PNPLA7: variants seen among roughly 807,000 people sequenced by gnomAD.
The protein encoded by PNPLA7 is patatin-like phospholipase domain-containing protein 7.
In PNPLA7, 153 loss-of-function variants were observed where a neutral mutation model predicts 161.7. That is an observed-to-expected ratio of 0.95 (90% CI 0.83 to 1.08). The LOEUF (loss-of-function observed/expected upper bound fraction) is 1.08. PNPLA7 is among the 50% of genes least tolerant of loss of function. The pLI is 0.00. For synonymous variants in PNPLA7, 809 were observed against 782.1 expected (o/e 1.03, Z -0.57); for missense variants, 1,739 against 1,856.6 (o/e 0.94, Z 1.16).
At chr9:137,505,495 C>G in intron 14 of PNPLA7, 119 bp downstream of exon 14, 1 of 1,244,634 alleles carries the variant, frequency 8.0e-7, no homozygotes, top group Non-Finnish European at 1.1e-6. Flanking sequence ...GCACTCCACC[C>G]AAAACACCTC....
At position 137,543,729 on chromosome 9, in the gene PNPLA7, G is replaced by T; in HGVS notation, c.360C>A (p.Ala120=). The part of the protein sequence containing the change: ...ARKRTKVLSL[A]KRILRFKKEY... ...GTCTGAAGGACACACAGTACCTCTT[G>T]GCCAAAGACAGCACCTTGGTCCTCT... Residue 120 remains alanine (A), a synonymous_variant, in exon 5 of 35, where the codon GCC becomes GCA. Transcript: ENST00000406427. The surrounding 1 kb of genome is among the most constrained non-coding windows in gnomAD (Gnocchi z 6.9). 1 of 1,613,986 alleles carries T rather than the reference G, an allele frequency of 6.2e-7. No individual in the cohort carries two copies. The highest frequency in any genetic ancestry group is 1.1e-5 in the South Asian group (1 of 91,078).
intron 34 of PNPLA7, 70 bp from the exon 35 acceptor site, chr9:137,460,546 T>G (rs984579423): frequency 1.2e-5 from 20 of 1,600,158 alleles, no homozygotes; most frequent in South Asian, 6.6e-5. Flanking sequence ...GGTAACCCGG[T>G]GGGACCACAG....
chr9:137,547,539 C>A lies in PNPLA7; in HGVS notation c.105+46G>T, dbSNP rs1191406535. On this transcript the variant is annotated intron_variant, in intron 2 of 34. Coordinates refer to ENST00000406427, the MANE Select transcript of PNPLA7 (RefSeq NM_001098537.3). This position sits in a 1 kb window ranked among gnomAD's most constrained non-coding sequence, Gnocchi z 4.6. ...TGGGGACAGGGAGAGGTGAAAAAGG[C>A]CACGGCCCATCCAGGTCTGGCTCCA... 2.5e-6 allele frequency: 4 copies of A among 1,608,150 alleles called. No homozygotes were observed. The highest frequency in any genetic ancestry group is 3.4e-6 in the Non-Finnish European group (4 of 1,175,542).
chr9:137,537,468 C>CAT lies in PNPLA7; in HGVS notation c.747+3173_747+3174insAT. ...GAGTAGCTGGGATAACAGGCACCCG[C>CAT]CACCACACCCAGCTAATTTTTGTAT... On this transcript the variant is annotated intron_variant, in intron 8 of 34. Transcript: ENST00000406427. This position sits in a 1 kb window ranked among gnomAD's most constrained non-coding sequence, Gnocchi z 4.5. Among the ~76,000 whole-genome samples the CAT allele has an allele frequency of 1.3e-5, 2 of 152,292 alleles. No individual in the cohort carries two copies. Among genetic ancestry groups the CAT allele is most frequent in the South Asian group, 4.1e-4 (2 of 4,824 alleles).
At chr9:137,492,986 G>A (rs748413024) in intron 20 of PNPLA7, 27 bp downstream of exon 20, 1 of 1,606,482 alleles carries the variant, frequency 6.2e-7, no homozygotes, top group Non-Finnish European at 8.5e-7. Context: ...GCTCCCAGGA[G>A]GCTCTGGGTT....
chr9:137,502,430 C>A (rs141606383), intron 14 of PNPLA7, among the ~76,000 whole-genome samples: 25 of 151,124 alleles, frequency 1.7e-4, no homozygotes, highest in African/African-American at 5.6e-4. Context: ...GCAGCTCCCC[C>A]CCAAAAGAGA....
intron 24 of PNPLA7, chr9:137,478,411 C>T: frequency 2.8e-6 from 1 of 353,922 alleles, no homozygotes; most frequent in Non-Finnish European, 5.1e-6. Flanking sequence ...GGGTGGGGGG[C>T]CAGAGAGTGG....
chr9:137,534,629 G>A (rs978893929), intron 8 of PNPLA7, among the ~76,000 whole-genome samples: 4 of 152,188 alleles, frequency 2.6e-5, no homozygotes, highest in African/African-American at 4.8e-5. Context: ...AAGAGCCAGC[G>A]TCCTGCTCAG....
chr9:137,526,823 G>A (rs1835325590), intron 8 of PNPLA7, among the ~76,000 whole-genome samples: 1 of 152,206 alleles, frequency 6.6e-6, no homozygotes. Flanking sequence ...TCTAGTAGTT[G>A]TCTTATAGAA....
chr9:137,527,261 C>A (rs968250859), intron 8 of PNPLA7, among the ~76,000 whole-genome samples: 2 of 149,738 alleles, frequency 1.3e-5, no homozygotes, highest in South Asian at 4.3e-4. Flanking sequence ...GAGCAAGACT[C>A]CGACTCACAA....
Position 137,541,472 on chromosome 9 carries a change from A to C in PNPLA7, c.667-750T>G, listed in dbSNP as rs1369039751. On this transcript the variant is annotated intron_variant, in intron 7 of 34. Coordinates refer to ENST00000406427, the MANE Select transcript of PNPLA7 (RefSeq NM_001098537.3). The surrounding 1 kb of genome is among the most constrained non-coding windows in gnomAD (Gnocchi z 4.4). ...TTTTGGTCTAGAAACCCCGACAGGC[A>C]GTGCCGGAGCTGGCGTGGGATCACA... is the stretch of plus-strand genomic sequence containing the variant. 9.1e-6 allele frequency: 9 copies of C among 985,492 alleles called. No individual in the cohort carries two copies. The East Asian group carries it at 9.1e-4, about 99-fold the overall frequency. 61.0% of individuals were successfully genotyped at this position (985,492 alleles called of 1,614,324 possible).
In PNPLA7 at chr9:137,497,158, G is replaced by A. The variant is rs192764940; in HGVS notation, c.2013+29C>T. On this transcript the variant is annotated intron_variant, in intron 18 of 34. Coordinates refer to ENST00000406427, the MANE Select transcript of PNPLA7 (RefSeq NM_001098537.3). Reference sequence around the variant, plus strand: ...TGCTCTGGGAGGGATGCAGAGGTGGGGGAGGCAGGAGCAGGGCCCAGCACC... The same window carrying A: ...TGCTCTGGGAGGGATGCAGAGGTGGAGGAGGCAGGAGCAGGGCCCAGCACC... The A allele has an allele frequency of 1.7e-3, 2,563 of 1,519,442 alleles. 3 individuals are homozygous for A. Among genetic ancestry groups the A allele is most frequent in the Non-Finnish European group, 2.0e-3 (2,287 of 1,132,664 alleles). The allele number at this position is 1,519,442 out of a possible 1,614,324, so 94.1% of individuals were successfully genotyped here.
intron 19 of PNPLA7, 34 bp downstream of exon 19, chr9:137,494,999 A>C (rs763686890): frequency 1.3e-6 from 2 of 1,567,792 alleles, no homozygotes; most frequent in South Asian, 2.3e-5. Flanking sequence ...CCACACCCTC[A>C]TCCGCTCCGC....
intron 14 of PNPLA7, among the ~76,000 whole-genome samples, chr9:137,504,658 T>A (rs1335539256): frequency 1.3e-5 from 2 of 152,170 alleles, no homozygotes; most frequent in African/African-American, 4.8e-5. Flanking sequence ...CAATCGCAGC[T>A]TTTTAACATT....
rs377091497 is a variant in PNPLA7, at chr9:137,520,618, C to T, written c.958-575G>A. Among the ~76,000 whole-genome samples the T allele has an allele frequency of 7.1e-4, 108 of 152,304 alleles. No individual in the cohort carries two copies. Among genetic ancestry groups the T allele is most frequent in the South Asian group, 1.2e-3 (6 of 4,826 alleles). On this transcript the variant is annotated intron_variant, in intron 10 of 34. Coordinates refer to ENST00000406427, the MANE Select transcript of PNPLA7 (RefSeq NM_001098537.3). The surrounding 1 kb of genome is among the most constrained non-coding windows in gnomAD (Gnocchi z 5.2). ...TGCCCCATGACTAAAGAGAGCCCTC[C>T]GCATATCAGGCTACTGTTTTGGGCA...
chr9:137,466,746 A>C (rs28410086), intron 26 of PNPLA7, among the ~76,000 whole-genome samples: 78 of 54,524 alleles, frequency 1.4e-3, no homozygotes, highest in South Asian at 3.0e-3. Context: ...ATCTCCACCA[A>C]CTCAGACCCG....
At chr9:137,536,061 G>C (rs1835870570) in intron 8 of PNPLA7, among the ~76,000 whole-genome samples, 1 of 151,432 alleles carries the variant, frequency 6.6e-6, no homozygotes, top group South Asian at 2.1e-4. Flanking sequence ...GCTGAGGCAG[G>C]AGAATGGCGT....
Position 137,543,770 on chromosome 9 carries a change from G to A in PNPLA7, c.319C>T (p.Arg107Trp), listed in dbSNP as rs1252455877. 1.2e-5 allele frequency: 20 copies of A among 1,613,638 alleles called. No individual in the cohort carries two copies. Among genetic ancestry groups the A allele is most frequent in the East Asian group, 8.9e-5 (4 of 44,868 alleles). ...TTGGTCCTCTTCCTGGCCCGCTGCC[G>A]GGGCAGGGCAGTGTTCTCCACAAGG... ...NTLVENTALP[R>W]QRARKRTKVL... Residue 107 changes from arginine (R) to tryptophan (W), a missense_variant, in exon 5 of 35, where the codon CGG (arginine) becomes TGG (tryptophan). Transcript: ENST00000406427. This position sits in a 1 kb window ranked among gnomAD's most constrained non-coding sequence, Gnocchi z 6.9.
In PNPLA7 at chr9:137,519,903, G is replaced by A; in HGVS notation, c.1084+14C>T. On this transcript the variant is annotated intron_variant, in intron 11 of 34. Transcript: ENST00000406427. ...CTGGGGCTGGACATTGCCCTCCTTGGTGCAGGACAGTACCTGAGTCACAGG... is the reference window on the plus strand; with the variant it reads ...CTGGGGCTGGACATTGCCCTCCTTGATGCAGGACAGTACCTGAGTCACAGG... 1 of 1,609,928 alleles carries A rather than the reference G, an allele frequency of 6.2e-7. No homozygotes were observed. Among genetic ancestry groups the A allele is most frequent in the Non-Finnish European group, 8.5e-7 (1 of 1,178,476 alleles).
Sources: gnomAD v4.1 joint callset for allele counts (sites outside exome capture counted in the v4.1 genomes callset) on GRCh38, gnomAD v4.1.1 for gene constraint, Gnocchi (gnomAD v3.1) non-coding constraint, MANE v1.5 for transcripts, NCBI Gene and HGNC (gene_info 2026-07-23, HGNC 2026-07-21) for gene names.